PPP2R5C: variants seen among roughly 807,000 people sequenced by gnomAD.
PPP2R5C encodes protein phosphatase 2 regulatory subunit B'gamma, also known as serine/threonine-protein phosphatase 2A 56 kDa regulatory subunit gamma isoform.
PPP2R5C carries 7 observed loss-of-function variants against 68.9 expected under a neutral mutation model. The observed-to-expected ratio is 0.10, with a 90% CI of 0.06 to 0.19. The LOEUF (loss-of-function observed/expected upper bound fraction) is 0.19. PPP2R5C is among the 10% of genes least tolerant of loss of function. The pLI is 1.00. For missense variants in PPP2R5C, 348 were observed against 641.3 expected, an observed-to-expected ratio of 0.54 and a Z score of 4.94; for synonymous variants, 210 against 222.2, an observed-to-expected ratio of 0.95 and a Z score of 0.49.
At chr14:101,820,567 T>C (rs974506058) in intron 1 of PPP2R5C, 1 of 152,230 alleles carries the variant, frequency 6.6e-6, no homozygotes, top group African/African-American at 2.4e-5. Context: ...AATTTTAGCA[T>C]AGGCAAAGAA....
At chr14:101,820,173 A>G (rs140772104) in intron 1 of PPP2R5C, 3 of 152,342 alleles carry the variant, frequency 2.0e-5, no homozygotes, top group Admixed American at 6.5e-5. Context: ...TAGAAAATCT[A>G]TGAAGTGAGC....
intron 2 of PPP2R5C, among the ~76,000 whole-genome samples, chr14:101,874,151 G>A (rs894078611): frequency 1.3e-5 from 2 of 152,182 alleles, no homozygotes; most frequent in African/African-American, 4.8e-5. Flanking sequence ...TTTGGGGTTA[G>A]GGGAAATGGC....
chr14:101,786,846 C>A (rs1002504302), intron 3 of PPP2R5C, among the ~76,000 whole-genome samples: 5 of 152,074 alleles, frequency 3.3e-5, no homozygotes, highest in Admixed American at 3.3e-4. Context: ...CAAATGTGAA[C>A]CTCTTAAAAC....
chr14:101,852,867 A>T (rs1160666676), intron 1 of PPP2R5C, among the ~76,000 whole-genome samples: 1 of 152,114 alleles, frequency 6.6e-6, no homozygotes, highest in Admixed American at 6.5e-5. Flanking sequence ...GAGTATGTCC[A>T]TGTATATTGC....
At chr14:101,793,384 C>T (rs1036643605) in intron 3 of PPP2R5C, among the ~76,000 whole-genome samples, 13 of 152,302 alleles carry the variant, frequency 8.5e-5, no homozygotes, top group Non-Finnish European at 1.9e-4. Context: ...GTTTTTGAAG[C>T]AGGATATTTC....
chr14:101,890,126 C>A, intron 5 of PPP2R5C, 111 bp from the exon 8 acceptor site: 1 of 989,514 alleles, frequency 1.0e-6, no homozygotes, highest in Non-Finnish European at 1.6e-6. Context: ...GCAGTGTTTG[C>A]ACAAATAGAT....
At chr14:101,878,950 C>T (rs2043971281) in intron 2 of PPP2R5C, among the ~76,000 whole-genome samples, 1 of 152,232 alleles carries the variant, frequency 6.6e-6, no homozygotes, top group Admixed American at 6.5e-5. Flanking sequence ...CCTTTAACCA[C>T]GATGGGTGAA....
At chr14:101,812,136 G>A (rs561182545) in intron 1 of PPP2R5C, among the ~76,000 whole-genome samples, 1 of 152,332 alleles carries the variant, frequency 6.6e-6, no homozygotes, top group African/African-American at 2.4e-5. Flanking sequence ...GTGAGATTTA[G>A]CAAAATTTGA....
intron 1 of PPP2R5C, among the ~76,000 whole-genome samples, chr14:101,847,581 C>T (rs1352553329): frequency 6.6e-6 from 1 of 151,828 alleles, no homozygotes; most frequent in Non-Finnish European, 1.5e-5. Flanking sequence ...GTGCCTAGCA[C>T]AGTGCCTGGC....
At chr14:101,896,128 T>C (rs2045308733) in intron 8 of PPP2R5C, among the ~76,000 whole-genome samples, 1 of 152,096 alleles carries the variant, frequency 6.6e-6, no homozygotes, top group South Asian at 2.1e-4. Context: ...CAAGCGATTC[T>C]CCTATCTCAG....
chr14:101,766,787 A>G (rs2036882935), intron 2 of PPP2R5C: 1 of 152,158 alleles, frequency 6.6e-6, no homozygotes, highest in African/African-American at 2.4e-5. Context: ...GACAAAGGAG[A>G]CTCACTTTTG....
At chr14:101,819,984 A>T (rs890241186) in intron 1 of PPP2R5C, 15 of 152,112 alleles carry the variant, frequency 9.9e-5, no homozygotes, top group African/African-American at 3.6e-4. Context: ...AGCATGCTGG[A>T]GTGTGATGGC....
chr14:101,810,875 A>G (rs2039319622), intron 1 of PPP2R5C, among the ~76,000 whole-genome samples: 1 of 152,184 alleles, frequency 6.6e-6, no homozygotes, highest in Admixed American at 6.5e-5. Context: ...TATTCTTGGT[A>G]TTTTAAGATA....
chr14:101,830,075 T>C (rs1462062191), intron 1 of PPP2R5C, among the ~76,000 whole-genome samples: 1 of 152,080 alleles, frequency 6.6e-6, no homozygotes, highest in Non-Finnish European at 1.5e-5. Flanking sequence ...ACCCTCAGAG[T>C]GTGTACAATA....
Position 101,888,557 on chromosome 14 carries a change from C to G in PPP2R5C, c.630-1680C>G, listed in dbSNP as rs2044664789. Among the ~76,000 whole-genome samples, 1 of 152,024 alleles carries G rather than the reference C, an allele frequency of 6.6e-6. No homozygotes were observed. The highest frequency in any genetic ancestry group is 1.5e-5 in the Non-Finnish European group (1 of 67,986). ...TTCTGCTTCCTGGTTCCTGCAAGAG[C>G]AGATCTCAGTTTTTCTGTTGTGTTG... On this transcript the variant is annotated intron_variant, in intron 5 of 13. Transcript: ENST00000334743. This position sits in a 1 kb window ranked among gnomAD's most constrained non-coding sequence, Gnocchi z 5.6.
At chr14:101,788,484 G>C (rs950964141) in intron 3 of PPP2R5C, among the ~76,000 whole-genome samples, 1 of 152,144 alleles carries the variant, frequency 6.6e-6, no homozygotes, top group African/African-American at 2.4e-5. Flanking sequence ...CTGAGGAGTC[G>C]CTGCACAAGC....
chr14:101,869,719 A>G (rs955021024), intron 2 of PPP2R5C, among the ~76,000 whole-genome samples: 6 of 152,194 alleles, frequency 3.9e-5, no homozygotes, highest in South Asian at 2.1e-4. Context: ...CAGTGGCTCA[A>G]TCATGGCTCA....
chr14:101,918,876 G>A (rs1187011132), intron 13 of PPP2R5C, among the ~76,000 whole-genome samples: 1 of 151,040 alleles, frequency 6.6e-6, no homozygotes, highest in Non-Finnish European at 1.5e-5. Context: ...CAAATGGCCT[G>A]GGGACATTGG....
intron 2 of PPP2R5C, among the ~76,000 whole-genome samples, chr14:101,860,558 T>A (rs1179300562): frequency 2.0e-5 from 3 of 152,128 alleles, no homozygotes; most frequent in African/African-American, 7.2e-5. Context: ...TACCTAGGAG[T>A]AGAGTCGCTG....
Sources: gnomAD v4.1 joint callset for allele counts (sites outside exome capture counted in the v4.1 genomes callset) on GRCh38, gnomAD v4.1.1 for gene constraint, Gnocchi (gnomAD v3.1) non-coding constraint, MANE v1.5 for transcripts, NCBI Gene and HGNC (gene_info 2026-07-23, HGNC 2026-07-21) for gene names.